LRRC8C: variants seen among roughly 807,000 people sequenced by gnomAD.
The protein encoded by LRRC8C is volume-regulated anion channel subunit LRRC8C.
Under a neutral mutation model 55.3 loss-of-function variants are expected in LRRC8C, and 20 were observed. The observed-to-expected ratio is 0.36, with a 90% confidence interval of 0.25 to 0.53. The LOEUF (loss-of-function observed/expected upper bound fraction) is 0.53, where lower values mean the gene tolerates loss of function less well. Ranked by LOEUF, LRRC8C falls within the 20% of genes least tolerant of loss-of-function variation. The pLI, the probability that LRRC8C is intolerant of heterozygous loss-of-function variation, is 0.92. For synonymous variants in LRRC8C, 376 were observed against 360.7 expected (o/e 1.04, Z -0.48); for missense variants, 659 against 951.4 (o/e 0.69, Z 4.04).
chr1:89,687,480 G>T (rs1403899838), intron 2 of LRRC8C, among the ~76,000 whole-genome samples: 2 of 152,138 alleles, frequency 1.3e-5, no homozygotes, highest in Non-Finnish European at 2.9e-5. Flanking sequence ...GCACATATAG[G>T]GTGTTGATAT....
chr1:89,635,637 A>G (rs771575637), intron 1 of LRRC8C, among the ~76,000 whole-genome samples: 3 of 152,234 alleles, frequency 2.0e-5, no homozygotes, highest in South Asian at 2.1e-4. Flanking sequence ...TTAACTCACC[A>G]TAGTGACTAT....
intron 2 of LRRC8C, among the ~76,000 whole-genome samples, chr1:89,693,994 C>T (rs532353045): frequency 3.9e-5 from 6 of 151,966 alleles, no homozygotes; most frequent in African/African-American, 9.7e-5. Flanking sequence ...CTTACATCTC[C>T]GTTCTACTAG....
At chr1:89,657,738 T>C (rs1377474410) in intron 1 of LRRC8C, among the ~76,000 whole-genome samples, 1 of 24,950 alleles carries the variant, frequency 4.0e-5, no homozygotes, top group Admixed American at 4.3e-4. Flanking sequence ...AGACTCTGTA[T>C]CAAAAAAAAA....
At chr1:89,678,259 T>C (rs1192264078) in intron 1 of LRRC8C, among the ~76,000 whole-genome samples, 2 of 152,278 alleles carry the variant, frequency 1.3e-5, no homozygotes, top group Non-Finnish European at 2.9e-5. Flanking sequence ...TTCACCCATT[T>C]ATTCATCAAA....
intron 1 of LRRC8C, among the ~76,000 whole-genome samples, chr1:89,638,967 A>ATTTTATT (rs1553163816): frequency 1.5e-4 from 21 of 137,864 alleles, no homozygotes; most frequent in African/African-American, 5.4e-4. Context: ...TATTTTACTT[A>ATTTTATT]TTATTTTATT....
At chr1:89,644,244 G>A (rs911874824) in intron 1 of LRRC8C, among the ~76,000 whole-genome samples, 12 of 152,156 alleles carry the variant, frequency 7.9e-5, no homozygotes, top group Admixed American at 1.3e-4. Context: ...GCACAATCTC[G>A]GCCCACTGCA....
intron 1 of LRRC8C, among the ~76,000 whole-genome samples, chr1:89,654,399 A>G (rs1406117450): frequency 2.0e-5 from 3 of 152,144 alleles, no homozygotes; most frequent in African/African-American, 7.2e-5. Flanking sequence ...TTGCACGTGT[A>G]CCCTTTAAAT....
At chr1:89,649,845 C>T (rs1159447528) in intron 1 of LRRC8C, among the ~76,000 whole-genome samples, 1 of 152,172 alleles carries the variant, frequency 6.6e-6, no homozygotes, top group Non-Finnish European at 1.5e-5. Flanking sequence ...TTATCACACA[C>T]CTGTGAAATC....
intron 1 of LRRC8C, among the ~76,000 whole-genome samples, chr1:89,670,307 G>A (rs1161943929): frequency 2.0e-5 from 3 of 152,226 alleles, no homozygotes; most frequent in Non-Finnish European, 4.4e-5. Context: ...GTTAAACCTC[G>A]CATTTTCATT....
chr1:89,707,901 C>T (rs1658528796), intron 2 of LRRC8C, among the ~76,000 whole-genome samples: 1 of 152,008 alleles, frequency 6.6e-6, no homozygotes, highest in African/African-American at 2.4e-5. Flanking sequence ...CTTAATCTGA[C>T]CCTTGCTCTC....
chr1:89,687,268 G>A (rs1489881577), intron 2 of LRRC8C, among the ~76,000 whole-genome samples: 1 of 152,152 alleles, frequency 6.6e-6, no homozygotes, highest in Non-Finnish European at 1.5e-5. Context: ...AGGCACTAAG[G>A]GAATGCTGAA....
chr1:89,623,364 T>C, the LRRC8C span, among the ~76,000 whole-genome samples: 19 of 152,200 alleles, frequency 1.2e-4, no homozygotes, highest in Non-Finnish European at 2.2e-4. Flanking sequence ...TTAATCAGAG[T>C]ACATCACTTC....
rs570204568 is a variant in LRRC8C, at chr1:89,700,796, C to CT, written c.139-11908dup. Among the ~76,000 whole-genome samples, 854 of 152,262 alleles carry CT rather than the reference C, an allele frequency of 5.6e-3. 6 individuals carry two copies. Among genetic ancestry groups the CT allele is most frequent in the Non-Finnish European group, 6.0e-3 (411 of 68,030 alleles). On this transcript the variant is annotated intron_variant, in intron 2 of 2. Transcript: ENST00000370454. ...TAACTGCCTTATATTGGCCACTTGC[C>CT]TTTTTGTGGCTCCACTCTACCTGTT... is the stretch of plus-strand genomic sequence containing the variant.
At chr1:89,670,074 C>T (rs1657374494) in intron 1 of LRRC8C, among the ~76,000 whole-genome samples, 1 of 152,032 alleles carries the variant, frequency 6.6e-6, no homozygotes. Flanking sequence ...CTCATTTGAT[C>T]CCTGCAAACC....
At chr1:89,682,466 C>G (rs1478260216) in intron 1 of LRRC8C, among the ~76,000 whole-genome samples, 1 of 152,156 alleles carries the variant, frequency 6.6e-6, no homozygotes, top group Non-Finnish European at 1.5e-5. Context: ...GGAACAGTGA[C>G]CCTCTACCTC....
chr1:89,705,770 C>A (rs899290726), intron 2 of LRRC8C, among the ~76,000 whole-genome samples: 1 of 151,996 alleles, frequency 6.6e-6, no homozygotes, highest in African/African-American at 2.4e-5. Flanking sequence ...CAGAGCAAGA[C>A]CCTGTCTCAA....
chr1:89,630,934 T>C (rs1656089667), upstream of LRRC8C, among the ~76,000 whole-genome samples: 1 of 152,212 alleles, frequency 6.6e-6, no homozygotes, highest in African/African-American at 2.4e-5. Flanking sequence ...AATGTGCATG[T>C]GAATCACCTG....
At chr1:89,704,129 A>G (rs985225918) in intron 2 of LRRC8C, among the ~76,000 whole-genome samples, 2 of 152,124 alleles carry the variant, frequency 1.3e-5, no homozygotes, top group African/African-American at 2.4e-5. Flanking sequence ...AGGTTCTTGT[A>G]ACCACCACTA....
intron 1 of LRRC8C, among the ~76,000 whole-genome samples, chr1:89,681,893 AAAATTT>A (rs1657721734): frequency 6.6e-6 from 1 of 152,178 alleles, no homozygotes; most frequent in African/African-American, 2.4e-5. Context: ...TTTACTCAAA[AAAATTT>A]AAATGCGGCT....
Sources: allele counts gnomAD v4.1 joint callset (sites outside exome capture counted in the v4.1 genomes callset), GRCh38; gene constraint gnomAD v4.1.1; transcripts MANE v1.5; gene names NCBI Gene and HGNC (gene_info 2026-07-23, HGNC 2026-07-21).